TRAF3IP1: variants seen among roughly 807,000 people sequenced by gnomAD.
TRAF3IP1 encodes TRAF3-interacting protein 1.
TRAF3IP1 carries 53 observed loss-of-function variants against 89.9 expected under a neutral mutation model. That is an observed-to-expected ratio of 0.59 (90% CI 0.47 to 0.74). The LOEUF (loss-of-function observed/expected upper bound fraction) is 0.74, where lower values mean the gene tolerates loss of function less well. Ranked by LOEUF, TRAF3IP1 falls within the 30% of genes least tolerant of loss-of-function variation. The pLI, the probability that TRAF3IP1 is intolerant of heterozygous loss-of-function variation, is 0.00. For missense variants in TRAF3IP1, 806 were observed against 866.1 expected (o/e 0.93, Z 0.87); for synonymous variants, 311 against 322.1 (o/e 0.97, Z 0.37).
intron 15 of TRAF3IP1, among the ~76,000 whole-genome samples, chr2:238,386,193 G>T (rs922406354): frequency 5.9e-5 from 9 of 152,162 alleles, no homozygotes; most frequent in Non-Finnish European, 1.0e-4. Flanking sequence ...GACAGTGGTA[G>T]GTAAAGCCGG....
intron 7 of TRAF3IP1, among the ~76,000 whole-genome samples, chr2:238,338,027 C>T (rs928198716): frequency 2.4e-4 from 37 of 152,026 alleles, no homozygotes; most frequent in African/African-American, 8.0e-4. Flanking sequence ...TAGGAAAGGA[C>T]GTGGTGAACT....
chr2:238,337,261 G>A (rs1698428860), intron 7 of TRAF3IP1, among the ~76,000 whole-genome samples: 1 of 152,196 alleles, frequency 6.6e-6, no homozygotes, highest in Non-Finnish European at 1.5e-5. Context: ...AATGAGGGGC[G>A]TGAGCAGGGA....
chr2:238,328,228 C>T (rs1309503380), intron 3 of TRAF3IP1, among the ~76,000 whole-genome samples: 2 of 152,166 alleles, frequency 1.3e-5, no homozygotes, highest in African/African-American at 4.8e-5. Flanking sequence ...TTCAATTTCT[C>T]CTTATCCTTG....
chr2:238,385,267 C>T (rs1185140760), intron 15 of TRAF3IP1, among the ~76,000 whole-genome samples: 1 of 152,168 alleles, frequency 6.6e-6, no homozygotes, highest in Non-Finnish European at 1.5e-5. Flanking sequence ...CCGCCCGCCT[C>T]GGCCTCCCAA....
chr2:238,398,929 A>ATTT lies in TRAF3IP1; in HGVS notation c.*10_*11insTTT. On this transcript the variant is annotated 3_prime_UTR_variant, in exon 17 of 17. Transcript: ENST00000373327. The stretch of plus-strand genomic sequence containing the variant: ...GACTTCGAGAAGGTGAACACTCAAA[A>ATTT]GTTTCAGAGATGAAAAGTCACCTCA... 6 of 1,584,746 alleles carry ATTT rather than the reference A, an allele frequency of 3.8e-6. No individual in the cohort carries two copies.
At chr2:238,343,092 A>AT (rs201616700) in intron 8 of TRAF3IP1, among the ~76,000 whole-genome samples, 23,827 of 142,530 alleles carry the variant, frequency 0.17, 2,293 homozygotes, top group Middle Eastern at 0.26. Flanking sequence ...TGGGCCCCCT[A>AT]TTTTTTTTTT....
chr2:238,360,981 G>T (rs1390464273), intron 15 of TRAF3IP1, among the ~76,000 whole-genome samples: 1 of 151,944 alleles, frequency 6.6e-6, no homozygotes, highest in Non-Finnish European at 1.5e-5. Flanking sequence ...TGACACCCTT[G>T]TGTCTCATAT....
At chr2:238,364,025 TATC>T (rs1392829647) in intron 15 of TRAF3IP1, among the ~76,000 whole-genome samples, 18 of 152,320 alleles carry the variant, frequency 1.2e-4, no homozygotes, top group Admixed American at 7.8e-4. Flanking sequence ...CTATCACCAT[TATC>T]GATTTATACA....
rs2106364273 is a variant in TRAF3IP1, at chr2:238,329,177, G to A, written c.750G>A (p.Glu250=). The change falls in exon 5 of 17, where the codon GAG becomes GAA. Residue 250 remains glutamate (E), a synonymous_variant. Coordinates refer to ENST00000373327, the MANE Select transcript of TRAF3IP1 (RefSeq NM_015650.4). ...DRDSERKKET[E]RKSEGGKEKE... is the part of the protein sequence containing the mutation. ...ACTCCGAGCGCAAGAAGGAGACAGA[G>A]AGAAAGAGTGAGGGGGGGAAAGAGA... 6.4e-7 allele frequency: 1 copy of A among 1,563,306 alleles called. No homozygotes were observed.
rs1439817190 is a variant in TRAF3IP1 at position 238,351,287 on chromosome 2, G to A, written c.1452-1540G>A. Among the ~76,000 whole-genome samples the A allele has an allele frequency of 6.6e-6, 1 of 152,046 alleles. No individual in the cohort carries two copies. The highest frequency in any genetic ancestry group is 1.5e-5 in the Non-Finnish European group (1 of 67,990). ...CAGGAGCACCGTTGGTGAGAGTGGC[G>A]GGTCCAGGAGGACTGGGTGGGACCA... On this transcript the variant is annotated intron_variant, in intron 12 of 16. Coordinates refer to ENST00000373327, the MANE Select transcript of TRAF3IP1 (RefSeq NM_015650.4). This position sits in a 1 kb window ranked among gnomAD's most constrained non-coding sequence, Gnocchi z 5.2.
At chr2:238,374,783 A>G (rs929767335) in intron 15 of TRAF3IP1, among the ~76,000 whole-genome samples, 7 of 152,190 alleles carry the variant, frequency 4.6e-5, no homozygotes, top group African/African-American at 1.7e-4. Context: ...TTGGTAGGCT[A>G]TTAATTATTG....
At chr2:238,353,235 G>GT in intron 14 of TRAF3IP1, 26 bp downstream of exon 14, 1 of 1,613,542 alleles carries the variant, frequency 6.2e-7, no homozygotes, top group Non-Finnish European at 8.5e-7. Flanking sequence ...GAGTGTGCAT[G>GT]TATGTCCATG....
rs1436669306 is a variant in TRAF3IP1 at position 238,348,745 on chromosome 2, T to C, written c.1283-19T>C. The stretch of plus-strand genomic sequence containing the variant: ...TGTGTTTTCCTTTGTGAATTGCTAA[T>C]TGATTGTCATTTGTTTAGAAGGAGA... On this transcript the variant is annotated intron_variant, in intron 10 of 16. Transcript: ENST00000373327. 1.2e-6 allele frequency: 2 copies of C among 1,609,120 alleles called. No homozygotes were observed. The highest frequency in any genetic ancestry group is 1.7e-6 in the Non-Finnish European group (2 of 1,175,626).
rs141425726 is a variant in TRAF3IP1 at position 238,356,031 on chromosome 2, C to G, written c.1640C>G (p.Thr547Arg). 6.2e-7 allele frequency: 1 copy of G among 1,613,450 alleles called. No individual in the cohort carries two copies. Among genetic ancestry groups the G allele is most frequent in the Non-Finnish European group, 8.5e-7 (1 of 1,179,630 alleles). Residue 547 changes from threonine (T) to arginine (R), a missense_variant, in exon 15 of 17, where the codon ACG becomes AGG. Physicochemically the swap from Thr to Arg is moderately conservative, Grantham distance 71. Transcript: ENST00000373327. ...GGACTTGTGAAAAAAATTTTGGAGA[C>G]GAAGAAAGATTATGAGAAATTGCAG... ...HGGLVKKILE[T>R]KKDYEKLQQS...
intron 16 of TRAF3IP1, among the ~76,000 whole-genome samples, chr2:238,398,510 G>T (rs1343303203): frequency 1.3e-5 from 2 of 151,984 alleles, no homozygotes; most frequent in Non-Finnish European, 2.9e-5. Flanking sequence ...CCCAGAGGTT[G>T]TTCTGTATGT....
intron 8 of TRAF3IP1, among the ~76,000 whole-genome samples, chr2:238,343,583 GGCTGGT>G (rs2106384679): frequency 6.6e-6 from 1 of 151,498 alleles, no homozygotes; most frequent in Non-Finnish European, 1.5e-5. Context: ...ATGTTGCCCA[GGCTGGT>G]GCCTGCCTTG....
intron 15 of TRAF3IP1, among the ~76,000 whole-genome samples, chr2:238,378,180 T>C (rs2106360386): frequency 6.6e-6 from 1 of 152,298 alleles, no homozygotes; most frequent in East Asian, 1.9e-4. Context: ...TTCATTGATA[T>C]CTCCAGTTTT....
intron 7 of TRAF3IP1, among the ~76,000 whole-genome samples, chr2:238,335,751 G>GTTTAT (rs1341579198): frequency 7.2e-4 from 106 of 147,872 alleles, no homozygotes; most frequent in African/African-American, 1.9e-3. Context: ...TTGCTCGCTG[G>GTTTAT]TTTATTTTAT....
chr2:238,347,624 T>G, intron 10 of TRAF3IP1, 149 bp downstream of exon 10: 1 of 650,962 alleles, frequency 1.5e-6, no homozygotes, highest in East Asian at 3.2e-5. Flanking sequence ...CCTAATGTAT[T>G]TATTTATTTA....
Sources: allele counts gnomAD v4.1 joint callset (sites outside exome capture counted in the v4.1 genomes callset), GRCh38; gene constraint gnomAD v4.1.1; non-coding constraint Gnocchi (gnomAD v3.1); transcripts MANE v1.5; gene names NCBI Gene and HGNC (gene_info 2026-07-23, HGNC 2026-07-21).